The following TET3 variants were observed in gnomAD, a reference collection of about 807,000 sequenced individuals.
TET3 encodes the protein tet methylcytosine dioxygenase 3.
Under a neutral mutation model 141.4 loss-of-function variants are expected in TET3, and 19 were observed. The observed-to-expected ratio is 0.13, with a 90% CI of 0.09 to 0.20. The LOEUF (loss-of-function observed/expected upper bound fraction) is 0.20. Ranked by LOEUF, TET3 falls within the 10% of genes least tolerant of loss-of-function variation. The pLI, the probability that TET3 is intolerant of heterozygous loss-of-function variation, is 1.00. For missense variants in TET3, 1,874 were observed against 2,356.9 expected (o/e 0.80, Z 4.24); for synonymous variants, 1,043 against 980.9 (o/e 1.06, Z -1.18).
chr2:74,132,299 A>G, the TET3 span, among the ~76,000 whole-genome samples: 1 of 152,138 alleles, frequency 6.6e-6, no homozygotes, highest in Non-Finnish European at 1.5e-5. Context: ...ACTCCAAAAG[A>G]AAGTTTGCTC....
At chr2:74,037,021 A>G (rs1296628188) in intron 3 of TET3, among the ~76,000 whole-genome samples, 1 of 152,140 alleles carries the variant, frequency 6.6e-6, no homozygotes, top group Non-Finnish European at 1.5e-5. Context: ...CTCCCCCCAT[A>G]TAAGAATACC....
At chr2:74,097,091 CAAAAAG>C (rs1690879249) in intron 10 of TET3, among the ~76,000 whole-genome samples, 1 of 116,104 alleles carries the variant, frequency 8.6e-6, no homozygotes, top group Non-Finnish European at 1.8e-5. Flanking sequence ...GACCTTATCT[CAAAAAG>C]AAAAAGAAGA....
intron 3 of TET3, among the ~76,000 whole-genome samples, chr2:74,013,045 A>G (rs992068216): frequency 1.4e-5 from 2 of 145,270 alleles, no homozygotes; most frequent in African/African-American, 2.6e-5. Flanking sequence ...GCCAGGCTGG[A>G]GCGCAATGGC....
rs1201299433 is a variant in TET3 at position 74,093,708 on chromosome 2, G to A, written c.3267+42G>A. On this transcript the variant is annotated intron_variant, in intron 10 of 11. Transcript: ENST00000409262. The surrounding 1 kb of genome is among the most constrained non-coding windows in gnomAD (Gnocchi z 4.2). ...TCATAGCCCCACCTGTGGGGCAACT[G>A]TGGGAGGGAGTCCACCGTGGTCTTT... The A allele has an allele frequency of 3.3e-6, 5 of 1,511,918 alleles. No individual in the cohort carries two copies. The highest frequency in any genetic ancestry group is 4.5e-6 in the Non-Finnish European group (5 of 1,120,980). The allele number at this position is 1,511,918 out of a possible 1,614,324, so 93.7% of individuals were successfully genotyped here.
intron 2 of TET3, among the ~76,000 whole-genome samples, chr2:73,992,936 G>T (rs1440647694): frequency 9.2e-5 from 14 of 152,180 alleles, no homozygotes; most frequent in African/African-American, 3.4e-4. Flanking sequence ...GTAAATAAAT[G>T]ATGGCATCTC....
rs760640980 is a variant in TET3, at chr2:74,046,572, C to T, written c.655C>T (p.Arg219Trp). 9 of 1,614,024 alleles carry T rather than the reference C, an allele frequency of 5.6e-6. No individual in the cohort carries two copies. The highest frequency in any genetic ancestry group is 5.0e-5 in the Admixed American group (3 of 60,026). ...GTCCTCTTATGGGGCCCTTAGCACCCGGCTCTATGAAACCTTCAACCGTGA... is the reference window on the plus strand; with the variant it reads ...GTCCTCTTATGGGGCCCTTAGCACCTGGCTCTATGAAACCTTCAACCGTGA... ...AVSSYGALST[R>W]LYETFNREMS... Residue 219 changes from arginine (R) to tryptophan (W), a missense_variant, in exon 4 of 12, where the codon CGG becomes TGG. Physicochemically the swap from Arg to Trp is moderately radical, Grantham distance 101. This residue lies in a region of TET3 where 366 missense variants were observed against 487.0 expected (regional missense o/e 0.75). Transcript: ENST00000409262. The surrounding 1 kb of genome is among the most constrained non-coding windows in gnomAD (Gnocchi z 4.3).
In TET3 at chr2:74,103,404, T is replaced by C. The variant is rs1176835627; in HGVS notation, c.*1228T>C. 6.6e-6 allele frequency: 1 copy of C among 152,242 alleles called. No individual in the cohort carries two copies. Among genetic ancestry groups the C allele is most frequent in the South Asian group, 2.1e-4 (1 of 4,834 alleles). 9.4% of individuals were successfully genotyped at this position (152,242 alleles called of 1,614,324 possible). ...ATCCCTGAATTTCCACATTGGACAATGGTGCATGCCTCACACCTGAGCCTG... is the reference window on the plus strand; with the variant it reads ...ATCCCTGAATTTCCACATTGGACAACGGTGCATGCCTCACACCTGAGCCTG... On this transcript the variant is annotated 3_prime_UTR_variant, in exon 12 of 12. Transcript: ENST00000409262.
chr2:74,034,287 A>C (rs1396633639), intron 3 of TET3, among the ~76,000 whole-genome samples: 2 of 151,334 alleles, frequency 1.3e-5, no homozygotes, highest in East Asian at 1.9e-4. Context: ...ACTTGACCCT[A>C]GTATTTTATA....
rs1691216638 is a variant in TET3, at chr2:74,101,541, C to T, written c.4753C>T (p.Pro1585Ser). The change falls in exon 12 of 12, where the codon CCC becomes TCC. Residue 1585 changes from proline to serine, a missense_variant. Pro to Ser is a moderately conservative substitution (Grantham distance 74). Coordinates refer to ENST00000409262, the MANE Select transcript of TET3 (RefSeq NM_001287491.2). This position sits in a 1 kb window ranked among gnomAD's most constrained non-coding sequence, Gnocchi z 8.5. The part of the protein sequence containing the change: ...LDRAWQSFGL[P>S]LGSSEKLFGA... Reference sequence around the variant, plus strand: ...CAGGGCCTGGCAGTCCTTTGGTCTGCCCCTGGGATCCAGCGAGAAGCTGTT... The same window carrying T: ...CAGGGCCTGGCAGTCCTTTGGTCTGTCCCTGGGATCCAGCGAGAAGCTGTT... The T allele has an allele frequency of 6.2e-7, 1 of 1,609,972 alleles. No individual in the cohort carries two copies. Among genetic ancestry groups the T allele is most frequent in the Non-Finnish European group, 8.5e-7 (1 of 1,178,096 alleles).
chr2:74,043,077 A>C (rs1687428893), intron 3 of TET3, among the ~76,000 whole-genome samples: 1 of 152,152 alleles, frequency 6.6e-6, no homozygotes, highest in Non-Finnish European at 1.5e-5. Context: ...GCCTCCACTC[A>C]TGTAGCATTA....
chr2:74,134,398 T>G, the TET3 span: 1 of 280,608 alleles, frequency 3.6e-6, no homozygotes. Flanking sequence ...AGAGAATATT[T>G]TAAAATTACA....
chr2:74,108,485 C>G (rs1275490436), downstream of TET3, among the ~76,000 whole-genome samples: 1 of 151,956 alleles, frequency 6.6e-6, no homozygotes, highest in East Asian at 1.9e-4. Flanking sequence ...TGGGAGATAC[C>G]TCCCTCCTAC....
intron 8 of TET3, 85 bp downstream of exon 8, chr2:74,090,132 G>A (rs1418281681): frequency 1.1e-5 from 17 of 1,548,990 alleles, no homozygotes; most frequent in African/African-American, 5.5e-5. Flanking sequence ...GTACTGGCAC[G>A]CCATGACTCA....
intron 3 of TET3, among the ~76,000 whole-genome samples, chr2:74,004,539 G>A (rs1685052443): frequency 1.3e-5 from 2 of 152,214 alleles, no homozygotes; most frequent in African/African-American, 4.8e-5. Flanking sequence ...GCTTGGGGAA[G>A]GGTGTGAATT....
chr2:74,070,146 C>T (rs138777818), intron 4 of TET3, among the ~76,000 whole-genome samples: 1 of 152,284 alleles, frequency 6.6e-6, no homozygotes, highest in Non-Finnish European at 1.5e-5. Context: ...TAAATGGAAT[C>T]TTAACTGTAT....
At chr2:74,031,199 G>T (rs752565997) in intron 3 of TET3, among the ~76,000 whole-genome samples, 1 of 152,058 alleles carries the variant, frequency 6.6e-6, no homozygotes, top group Non-Finnish European at 1.5e-5. Context: ...GTGAGGGCAG[G>T]AGAGTGGAGA....
chr2:74,029,088 G>C (rs564713702), intron 3 of TET3, among the ~76,000 whole-genome samples: 8 of 152,272 alleles, frequency 5.3e-5, no homozygotes, highest in African/African-American at 1.9e-4. Flanking sequence ...TGTTACTACT[G>C]CTTCTCCTCC....
intron 4 of TET3, among the ~76,000 whole-genome samples, chr2:74,061,495 G>A (rs1264470018): frequency 2.7e-5 from 4 of 149,170 alleles, no homozygotes; most frequent in Non-Finnish European, 4.5e-5. Context: ...TTCCCGGACG[G>A]GGCGGCTGGC....
At chr2:74,114,101 T>G in the TET3 span, among the ~76,000 whole-genome samples, 1 of 152,062 alleles carries the variant, frequency 6.6e-6, no homozygotes, top group African/African-American at 2.4e-5. Flanking sequence ...GGCATAAAAA[T>G]AGACACAAAG....
Sources: allele counts gnomAD v4.1 joint callset (sites outside exome capture counted in the v4.1 genomes callset), GRCh38; gene constraint gnomAD v4.1.1; regional missense constraint gnomAD v4.1.1; non-coding constraint Gnocchi (gnomAD v3.1); transcripts MANE v1.5; gene names NCBI Gene and HGNC (gene_info 2026-07-23, HGNC 2026-07-21).